The following AXIN1 variants were observed in gnomAD, a reference collection of about 807,000 sequenced individuals.
AXIN1 encodes axin-1.
Under a neutral mutation model 76.4 loss-of-function variants are expected in AXIN1, and 30 were observed. The observed-to-expected ratio is 0.39, with a 90% confidence interval of 0.29 to 0.53. The LOEUF is 0.53. Ranked by LOEUF, AXIN1 falls within the 20% of genes least tolerant of loss-of-function variation. The pLI, the probability that AXIN1 is intolerant of heterozygous loss-of-function variation, is 0.66. For missense variants in AXIN1, 1,140 were observed against 1,198.8 expected (o/e 0.95, Z 0.72); for synonymous variants, 545 against 501.4 (o/e 1.09, Z -1.16).
At chr16:290,106 G>A in intron 9 of AXIN1, 1 of 205,640 alleles carries the variant, frequency 4.9e-6, no homozygotes, top group East Asian at 1.3e-4. Flanking sequence ...ACCGTCTCCT[G>A]CCCAGGCTGA....
intron 2 of AXIN1, among the ~76,000 whole-genome samples, chr16:327,647 C>A (rs936017989): frequency 1.3e-5 from 2 of 152,206 alleles, no homozygotes; most frequent in African/African-American, 4.8e-5. Context: ...CCCACACCTG[C>A]CATCCCGGGA....
chr16:291,032 G>C, intron 9 of AXIN1, 158 bp downstream of exon 9: 1 of 717,290 alleles, frequency 1.4e-6, no homozygotes. Context: ...CTCTCGGGCA[G>C]CTTCGAGTCT....
chr16:328,025 G>C (rs1050658176), intron 2 of AXIN1, among the ~76,000 whole-genome samples: 1 of 152,190 alleles, frequency 6.6e-6, no homozygotes, highest in African/African-American at 2.4e-5. Context: ...GAGGCAGAAT[G>C]CCTTAAAGCC....
intron 2 of AXIN1, among the ~76,000 whole-genome samples, chr16:322,637 C>T (rs1006480677): frequency 9.2e-5 from 14 of 152,216 alleles, no homozygotes; most frequent in Non-Finnish European, 2.1e-4. Context: ...CCCCTCAATA[C>T]CCCATCCATG....
At chr16:322,549 C>G (rs1421531139) in intron 2 of AXIN1, among the ~76,000 whole-genome samples, 2 of 152,190 alleles carry the variant, frequency 1.3e-5, no homozygotes, top group Non-Finnish European at 1.5e-5. Context: ...CCCTGGGCTG[C>G]ACATCCTCCT....
At chr16:325,045 G>A (rs781319884) in intron 2 of AXIN1, among the ~76,000 whole-genome samples, 11 of 152,136 alleles carry the variant, frequency 7.2e-5, no homozygotes, top group Admixed American at 3.3e-4. Flanking sequence ...ACGTTCTGAC[G>A]CGCACCAGAT....
intron 5 of AXIN1, among the ~76,000 whole-genome samples, chr16:302,957 G>C (rs1215404713): frequency 6.6e-6 from 1 of 152,136 alleles, no homozygotes; most frequent in Non-Finnish European, 1.5e-5. Context: ...GACCTCCTGG[G>C]CTCAAGTGAT....
intron 4 of AXIN1, among the ~76,000 whole-genome samples, chr16:309,087 T>C (rs1488060304): frequency 2.6e-5 from 4 of 151,830 alleles, no homozygotes; most frequent in Non-Finnish European, 5.9e-5. Flanking sequence ...TCCCAGCACT[T>C]TGGGAGGCTG....
chr16:339,789 TATG>T (rs2141679755), intron 2 of AXIN1, among the ~76,000 whole-genome samples: 2 of 152,230 alleles, frequency 1.3e-5, no homozygotes, highest in South Asian at 4.1e-4. Context: ...CAAGGGGCAG[TATG>T]GCTCACAAGC....
At chr16:295,119 A>G (rs1163201124) in intron 7 of AXIN1, among the ~76,000 whole-genome samples, 1 of 147,616 alleles carries the variant, frequency 6.8e-6, no homozygotes, top group Non-Finnish European at 1.5e-5. Context: ...TTTTTTTGAG[A>G]CAGAGTTTTG....
chr16:319,699 G>A (rs2053395831), intron 2 of AXIN1, among the ~76,000 whole-genome samples: 2 of 152,172 alleles, frequency 1.3e-5, no homozygotes. Context: ...CATCCAGCAT[G>A]GCCACGGCAC....
intron 5 of AXIN1, among the ~76,000 whole-genome samples, chr16:300,342 C>A (rs1456736145): frequency 1.3e-5 from 2 of 152,062 alleles, no homozygotes; most frequent in Admixed American, 1.3e-4. Context: ...GTGCATGCCA[C>A]CATGTCCCAT....
At chr16:351,780 G>A (rs148668190) in intron 1 of AXIN1, among the ~76,000 whole-genome samples, 1 of 152,014 alleles carries the variant, frequency 6.6e-6, no homozygotes, top group Non-Finnish European at 1.5e-5. Flanking sequence ...GATGGGCTGA[G>A]AAAAATCCCC....
chr16:311,979 G>A (rs534912234), intron 3 of AXIN1, among the ~76,000 whole-genome samples: 3 of 152,234 alleles, frequency 2.0e-5, no homozygotes, highest in Non-Finnish European at 4.4e-5. Context: ...GCAATGGTGA[G>A]CCGAGTCCAG....
At chr16:289,374 C>T in intron 10 of AXIN1, 66 bp downstream of exon 10, 1 of 1,599,544 alleles carries the variant, frequency 6.3e-7, no homozygotes, top group Non-Finnish European at 8.5e-7. Flanking sequence ...TGGAAACCCT[C>T]TTTTTCATAC....
intron 2 of AXIN1, among the ~76,000 whole-genome samples, chr16:339,192 G>C (rs1321474774): frequency 1.8e-5 from 2 of 111,100 alleles, no homozygotes; most frequent in Non-Finnish European, 3.6e-5. Context: ...AGCCAGCCTG[G>C]TCTCAAAAAA....
In AXIN1 at chr16:309,983, G is replaced by A. The variant is rs1431601002; in HGVS notation, c.1106C>T (p.Pro369Leu). 1 of 1,613,462 alleles carries A rather than the reference G, an allele frequency of 6.2e-7. No homozygotes were observed. The highest frequency in any genetic ancestry group is 1.7e-5 in the Admixed American group (1 of 60,020). ...AAAGCCGGTACTTACGGGAATGTGA[G>A]GTAGGGGCACCCGCCCATTGACCTG... ...SVQVNGRVPL[P>L]HIPRTYRVPK... Residue 369 changes from proline to leucine, a missense_variant, in exon 4 of 11, where the codon CCT becomes CTT. Pro to Leu is a moderately conservative substitution (Grantham distance 98). Transcript: ENST00000262320.
Position 297,153 on chromosome 16 carries a change from G to T in AXIN1, c.1858C>A (p.Pro620Thr). ...TTCTCCGCATCCTCCGAGGCACCTGGCACCTCGGTGCTGGCGCTCTTCCCC... is the reference window on the plus strand; with the variant it reads ...TTCTCCGCATCCTCCGAGGCACCTGTCACCTCGGTGCTGGCGCTCTTCCCC... The part of the protein sequence containing the change: ...ESGKSASTEV[P>T]GASEDAEKNQ... Residue 620 changes from proline to threonine, a missense_variant, in exon 7 of 11, where the codon CCA (proline) becomes ACA (threonine). This residue lies in a region of AXIN1 where 429 missense variants were observed against 405.8 expected (regional missense o/e 1.06). Transcript: ENST00000262320. 1 of 1,612,284 alleles carries T rather than the reference G, an allele frequency of 6.2e-7. No individual in the cohort carries two copies.
At chr16:326,695 A>G (rs1467850907) in intron 2 of AXIN1, among the ~76,000 whole-genome samples, 1 of 149,862 alleles carries the variant, frequency 6.7e-6, no homozygotes, top group Non-Finnish European at 1.5e-5. Context: ...GCAGTGAGCG[A>G]GATCGCGCCA....
Sources: allele counts gnomAD v4.1 joint callset (sites outside exome capture counted in the v4.1 genomes callset), GRCh38; gene constraint gnomAD v4.1.1; regional missense constraint gnomAD v4.1.1; transcripts MANE v1.5; gene names NCBI Gene and HGNC (gene_info 2026-07-23, HGNC 2026-07-21).